SSUH2: variants seen among roughly 807,000 people sequenced by gnomAD.
SSUH2 encodes the protein protein SSUH2 homolog.
In SSUH2, 47 loss-of-function variants were observed where a neutral mutation model predicts 55.3. The observed-to-expected ratio is 0.85, with a 90% CI of 0.67 to 1.08. The LOEUF is 1.08. Ranked by LOEUF, SSUH2 falls within the 50% of genes least tolerant of loss-of-function variation. SSUH2 has a pLI of 0.00. For missense variants in SSUH2, 535 were observed against 490.7 expected (o/e 1.09, Z -0.85); for synonymous variants, 212 against 191.5 (o/e 1.11, Z -0.89).
intron 8 of SSUH2, 123 bp downstream of exon 8, chr3:8,627,575 G>T: frequency 1.4e-6 from 1 of 696,294 alleles, no homozygotes; most frequent in Non-Finnish European, 2.2e-6. Context: ...CCTACTACGT[G>T]CAGAGCTCTG....
intron 3 of SSUH2, among the ~76,000 whole-genome samples, chr3:8,676,976 T>A (rs553460105): frequency 9.8e-5 from 14 of 142,698 alleles, no homozygotes; most frequent in African/African-American, 1.6e-4. Flanking sequence ...AGGCGGGGAC[T>A]GAGAGCCAGT....
At chr3:8,675,931 A>G (rs879880446) in intron 3 of SSUH2, among the ~76,000 whole-genome samples, 84 of 152,110 alleles carry the variant, frequency 5.5e-4, no homozygotes, top group Non-Finnish European at 8.8e-4. Context: ...AGCTGAGGCC[A>G]GTGGCCTACC....
At chr3:8,640,676 G>A (rs533610473) in intron 1 of SSUH2, among the ~76,000 whole-genome samples, 6 of 152,134 alleles carry the variant, frequency 3.9e-5, no homozygotes, top group South Asian at 4.1e-4. Context: ...AAGGAGAAAG[G>A]CAAGCCTGCT....
At chr3:8,641,154 C>G (rs1257113031) in intron 1 of SSUH2, among the ~76,000 whole-genome samples, 1 of 152,204 alleles carries the variant, frequency 6.6e-6, no homozygotes, top group Non-Finnish European at 1.5e-5. Flanking sequence ...CTGAGTGCGG[C>G]TCCCTGTCCT....
exon 6 of SSUH2, chr3:8,663,765 A>G: frequency 2.2e-6 from 1 of 456,128 alleles, no homozygotes. Context: ...TTTCCCAACA[A>G]CTGGTTTCCA....
chr3:8,623,722 G>GTCA, intron 10 of SSUH2, 66 bp from the exon 11 acceptor site: 1 of 823,528 alleles, frequency 1.2e-6, no homozygotes, highest in Non-Finnish European at 1.9e-6. Flanking sequence ...AAGTCACTGG[G>GTCA]GCTGACTAGA....
At chr3:8,679,715 G>A (rs934760582) in exon 2 of SSUH2, 1 of 191,974 alleles carries the variant, frequency 5.2e-6, no homozygotes, top group African/African-American at 2.4e-5. Flanking sequence ...CTGGAGGACT[G>A]TGGGTATTAG....
At chr3:8,669,334 A>T (rs1704295616) in intron 5 of SSUH2, among the ~76,000 whole-genome samples, 1 of 152,256 alleles carries the variant, frequency 6.6e-6, no homozygotes. Context: ...GTCAATGCTA[A>T]CATAAAAAAG....
At chr3:8,620,785 A>T (rs1270996079) in intron 11 of SSUH2, among the ~76,000 whole-genome samples, 1 of 152,244 alleles carries the variant, frequency 6.6e-6, no homozygotes, top group Non-Finnish European at 1.5e-5. Context: ...GTATTAAAAC[A>T]ACCACAGAGG....
rs1699721352 is a variant in SSUH2, at chr3:8,635,226, C to CAGG, written c.209+71_209+73dup. ...CCCTCCAGGGATCCTGATGCACTGC[C>CAGG]AGGGCTGAGATCCTCAAGGGGCAAT... On this transcript the variant is annotated intron_variant, in intron 3 of 11. Coordinates refer to ENST00000544814, the MANE Select transcript of SSUH2 (RefSeq NM_001256748.3). The CAGG allele has an allele frequency of 3.8e-6, 5 of 1,311,438 alleles. No homozygotes were observed. The African/African-American group carries it at 7.3e-5, about 19-fold the overall frequency. The allele number at this position is 1,311,438 out of a possible 1,614,324, so 81.2% of individuals were successfully genotyped here.
Position 8,630,910 on chromosome 3 carries a change from C to A in SSUH2, c.420G>T (p.Pro140=). The A allele has an allele frequency of 6.9e-7, 1 of 1,447,152 alleles. No individual in the cohort carries two copies. The highest frequency in any genetic ancestry group is 9.1e-7 in the Non-Finnish European group (1 of 1,097,430). The allele number at this position is 1,447,152 out of a possible 1,614,324, so 89.6% of individuals were successfully genotyped here. The change falls in exon 6 of 12, where the codon CCG becomes CCT. Residue 140 remains proline, a synonymous_variant. Coordinates refer to ENST00000544814, the MANE Select transcript of SSUH2 (RefSeq NM_001256748.3). ...QPFTNHSVDG[P]QRGASPRLWD... Reference sequence around the variant, plus strand: ...AGAGCCTGGGGGAGGCGCCTCTTTGCGGCCCATCCACAGAGTGGTCTGACA... The same window carrying A: ...AGAGCCTGGGGGAGGCGCCTCTTTGAGGCCCATCCACAGAGTGGTCTGACA...
At chr3:8,625,727 G>T in intron 9 of SSUH2, 80 bp from the exon 10 acceptor site, 1 of 985,204 alleles carries the variant, frequency 1.0e-6, no homozygotes, top group East Asian at 2.4e-5. Context: ...GACAGACCTG[G>T]GGTTGAGGGC....
rs576086245 is a variant in SSUH2, at chr3:8,633,767, G to A, written c.238C>T (p.Arg80Trp). 5.0e-5 allele frequency: 80 copies of A among 1,611,412 alleles called. No individual in the cohort carries two copies. The highest frequency in any genetic ancestry group is 2.7e-4 in the East Asian group (12 of 44,798). Residue 80 changes from arginine (R) to tryptophan (W), a missense_variant, in exon 4 of 12, where the codon CGG (arginine) becomes TGG (tryptophan). By Grantham distance (101) the Arg-to-Trp change is moderately radical. Coordinates refer to ENST00000544814, the MANE Select transcript of SSUH2 (RefSeq NM_001256748.3). ...TCCACAAAGCTGAGGAGGGCTTCCC[G>A]GGCCACCTCCTCCGTCATCGCAGGG... ...RVPAMTEEVAREALLSFVDSK... is the reference protein window; with the variant it reads ...RVPAMTEEVAWEALLSFVDSK...
At chr3:8,658,709 C>T (rs73015958) in intron 7 of SSUH2, among the ~76,000 whole-genome samples, 10,237 of 152,116 alleles carry the variant, frequency 0.067, 484 homozygotes, top group Middle Eastern at 0.11. Flanking sequence ...TAATATTCTG[C>T]TATCTCATTC....
intron 4 of SSUH2, among the ~76,000 whole-genome samples, chr3:8,633,172 T>C (rs1378349245): frequency 2.0e-5 from 3 of 149,414 alleles, no homozygotes; most frequent in East Asian, 4.0e-4. Context: ...AGTTGGAGTT[T>C]CGTTCTTGTT....
At chr3:8,652,817 G>A (rs1283091188) in intron 7 of SSUH2, among the ~76,000 whole-genome samples, 1 of 152,158 alleles carries the variant, frequency 6.6e-6, no homozygotes, top group African/African-American at 2.4e-5. Flanking sequence ...AGCCTTTCAT[G>A]ATTTCCCTGA....
chr3:8,620,636 C>T (rs756503545), intron 11 of SSUH2, among the ~76,000 whole-genome samples: 27 of 152,232 alleles, frequency 1.8e-4, no homozygotes, highest in Non-Finnish European at 3.4e-4. Context: ...CTAGGTTTCA[C>T]CAAGTGGGCA....
chr3:8,633,903 T>C, intron 3 of SSUH2, 108 bp from the exon 4 acceptor site: 1 of 1,613,922 alleles, frequency 6.2e-7, no homozygotes, highest in Non-Finnish European at 8.5e-7. Flanking sequence ...GCCACGGTAG[T>C]GGTAAAGCCC....
intron 11 of SSUH2, among the ~76,000 whole-genome samples, chr3:8,622,156 C>T (rs555694685): frequency 4.6e-5 from 7 of 152,250 alleles, no homozygotes; most frequent in African/African-American, 1.4e-4. Flanking sequence ...GGCTGGATTT[C>T]GGCTCTAACT....
Sources: gnomAD v4.1 joint callset for allele counts (sites outside exome capture counted in the v4.1 genomes callset) on GRCh38, gnomAD v4.1.1 for gene constraint, MANE v1.5 for transcripts, NCBI Gene and HGNC (gene_info 2026-07-23, HGNC 2026-07-21) for gene names.